ERN1: variants seen among roughly 807,000 people sequenced by gnomAD.
ERN1 encodes the protein endoplasmic reticulum to nucleus signaling 1.
In ERN1, 39 loss-of-function variants were observed where a neutral mutation model predicts 113.1. The ratio of observed to expected loss-of-function variants is 0.34; its 90% CI spans 0.27 to 0.45. The LOEUF (loss-of-function observed/expected upper bound fraction) is 0.45. Ranked by LOEUF, ERN1 falls within the 20% of genes least tolerant of loss-of-function variation. The pLI, the probability that ERN1 is intolerant of heterozygous loss-of-function variation, is 1.00. For missense variants in ERN1, 976 were observed against 1,274.8 expected, an observed-to-expected ratio of 0.77 and a Z score of 3.57; for synonymous variants, 507 against 515.9, an observed-to-expected ratio of 0.98 and a Z score of 0.23.
Position 64,116,373 on chromosome 17 carries a change from C to T in ERN1, c.54+13603G>A, listed in dbSNP as rs367890289. Among the ~76,000 whole-genome samples the T allele has an allele frequency of 1.3e-3, 197 of 152,238 alleles. 4 individuals are homozygous for T. In the South Asian group the frequency reaches 0.038, roughly 30 times the overall value. Reference sequence around the variant, plus strand: ...AACTGTGGCTTGGTTCCCAGTTAGTCGAGCACCAAAACTACAGATAAACTT... The same window carrying T: ...AACTGTGGCTTGGTTCCCAGTTAGTTGAGCACCAAAACTACAGATAAACTT... On this transcript the variant is annotated intron_variant, in intron 1 of 21. Transcript: ENST00000433197.
intron 13 of ERN1, among the ~76,000 whole-genome samples, 197 bp from the exon 14 acceptor site, chr17:64,055,025 C>G (rs1446559008): frequency 1.3e-5 from 2 of 152,224 alleles, no homozygotes; most frequent in Non-Finnish European, 2.9e-5. Context: ...CCCCCTGCCC[C>G]TGCATTCTGT....
intron 2 of ERN1, among the ~76,000 whole-genome samples, chr17:64,096,759 A>G (rs1449566010): frequency 1.3e-5 from 2 of 152,200 alleles, no homozygotes; most frequent in African/African-American, 4.8e-5. Context: ...TAAGTAACGG[A>G]GAGGACACAG....
intron 6 of ERN1, among the ~76,000 whole-genome samples, chr17:64,071,209 G>C (rs1913403660): frequency 1.3e-5 from 2 of 152,202 alleles, no homozygotes. Flanking sequence ...TAGAATGGGA[G>C]AGCCGGGTGT....
Position 64,046,360 on chromosome 17 carries a change from G to A in ERN1, c.2530-878C>T, listed in dbSNP as rs533981339. ...ACCTGAGTGGAAGCCAGGTGTGTTC[G>A]AGAGACATATGACCTGGAGATACTA... On this transcript the variant is annotated intron_variant, in intron 19 of 21. Coordinates refer to ENST00000433197, the MANE Select transcript of ERN1 (RefSeq NM_001433.5). 1.9e-3 allele frequency among the ~76,000 whole-genome samples: 290 copies of A among 152,306 alleles called. 1 individual carries two copies. Among genetic ancestry groups the A allele is most frequent in the African/African-American group, 6.8e-3 (282 of 41,562 alleles).
rs1598056788 is a variant in ERN1, at chr17:64,068,038, G to A, written c.580+152C>T. The A allele has an allele frequency of 2.2e-5, 13 of 600,008 alleles. No individual in the cohort carries two copies. The East Asian group carries it at 3.7e-4, about 17-fold the overall frequency. 37.2% of individuals were successfully genotyped at this position (600,008 alleles called of 1,614,324 possible). On this transcript the variant is annotated intron_variant, in intron 7 of 21. Coordinates refer to ENST00000433197, the MANE Select transcript of ERN1 (RefSeq NM_001433.5). ...GGCCCCTGCACATTGACTGTGGGAAGTATTTATGATAAGCCCATGAAAAGT... is the reference window on the plus strand; with the variant it reads ...GGCCCCTGCACATTGACTGTGGGAAATATTTATGATAAGCCCATGAAAAGT...
Position 64,066,923 on chromosome 17 carries a change from T to C in ERN1, c.590A>G (p.His197Arg). ...PEDDVDYKMS[H>R]FVSNGDGLVV... ...CAGCCCATCACCATTGGACACAAAGTGGGACATCTCTGTACAGATCAAATA... is the reference window on the plus strand; with the variant it reads ...CAGCCCATCACCATTGGACACAAAGCGGGACATCTCTGTACAGATCAAATA... Residue 197 changes from histidine (H) to arginine (R), a missense_variant, in exon 8 of 22, where the codon CAC becomes CGC. Transcript: ENST00000433197. 1 of 1,613,810 alleles carries C rather than the reference T, an allele frequency of 6.2e-7. No individual in the cohort carries two copies. The highest frequency in any genetic ancestry group is 8.5e-7 in the Non-Finnish European group (1 of 1,179,854).
chr17:64,122,953 A>G (rs1389069128), intron 1 of ERN1, among the ~76,000 whole-genome samples: 1 of 152,236 alleles, frequency 6.6e-6, no homozygotes, highest in Non-Finnish European at 1.5e-5. Context: ...TGGAAGAATA[A>G]ATTTGCAGGA....
Position 64,063,375 on chromosome 17 carries a change from C to G in ERN1, c.1087+611G>C, listed in dbSNP as rs1913112677. Among the ~76,000 whole-genome samples the G allele has an allele frequency of 6.6e-6, 1 of 152,212 alleles. No homozygotes were observed. The highest frequency in any genetic ancestry group is 2.4e-5 in the African/African-American group (1 of 41,458). On this transcript the variant is annotated intron_variant, in intron 10 of 21. Transcript: ENST00000433197. The surrounding 1 kb of genome is among the most constrained non-coding windows in gnomAD (Gnocchi z 5.1). ...CTCAAGAAGTGTCATCTCAACTTAT[C>G]TCTCTTGGGACAGGGCCTCTAGTTC... is the stretch of plus-strand genomic sequence containing the variant.
intron 2 of ERN1, chr17:64,097,889 A>C (rs1914272069): frequency 2.0e-6 from 1 of 503,836 alleles, no homozygotes; most frequent in Non-Finnish European, 3.5e-6. Context: ...TCTAAACAGA[A>C]GCAAAAAAGA....
Position 64,053,360 on chromosome 17 carries a change from C to A in ERN1, c.1965G>T (p.Gln655His). ...CAATLQEYVE[Q>H]KDFAHLGLEP... ...CCAGGCCGAGATGCGCAAAGTCCTT[C>A]TGCTCCACATACTGCAAAAGACATG... The change falls in exon 16 of 22, where the codon CAG becomes CAT. Residue 655 changes from glutamine (Q) to histidine (H), a missense_variant. Physicochemically the swap from Gln to His is conservative, Grantham distance 24. Around this residue, in one of 5 missense-constraint regions of ERN1, gnomAD observed 297 missense variants for 457.8 expected, o/e 0.65. Transcript: ENST00000433197. The A allele has an allele frequency of 6.2e-7, 1 of 1,609,068 alleles. No individual in the cohort carries two copies. Among genetic ancestry groups the A allele is most frequent in the Non-Finnish European group, 8.5e-7 (1 of 1,177,588 alleles).
chr17:64,072,151 G>C (rs368218103), intron 5 of ERN1, 48 bp from the exon 6 acceptor site: 85 of 1,601,838 alleles, frequency 5.3e-5, no homozygotes, highest in Non-Finnish European at 6.3e-5. Context: ...ATGGAAAAAA[G>C]TATCGCTGCC....
intron 1 of ERN1, chr17:64,098,569 C>G (rs569620624): frequency 1.6e-5 from 9 of 563,866 alleles, no homozygotes; most frequent in Non-Finnish European, 2.8e-5. Flanking sequence ...TGGGCCTATT[C>G]TATTCTCTAA....
At chr17:64,076,810 C>T (rs985840140) in intron 4 of ERN1, among the ~76,000 whole-genome samples, 3 of 152,122 alleles carry the variant, frequency 2.0e-5, no homozygotes, top group Admixed American at 1.3e-4. Flanking sequence ...CCGTGTTAGC[C>T]AGGATGGTCT....
chr17:64,072,976 T>G (rs147847884), intron 5 of ERN1, among the ~76,000 whole-genome samples: 62 of 151,820 alleles, frequency 4.1e-4, no homozygotes, highest in Non-Finnish European at 8.1e-4. Flanking sequence ...AATATTGAGA[T>G]GCTGGAGAAG....
In ERN1 at chr17:64,044,033, G is replaced by C. The variant is rs200667393; in HGVS notation, c.2889C>G (p.His963Gln). 1.2e-6 allele frequency: 2 copies of C among 1,613,426 alleles called. No individual in the cohort carries two copies. The highest frequency in any genetic ancestry group is 1.7e-6 in the Non-Finnish European group (2 of 1,179,706). The change falls in exon 22 of 22, where the codon CAC becomes CAG. Residue 963 changes from histidine to glutamine, a missense_variant. Transcript: ENST00000433197. This position sits in a 1 kb window ranked among gnomAD's most constrained non-coding sequence, Gnocchi z 4.1. ...CTGGGGGCTGGGGCTCTGGGGGCTC[G>C]TGGAAGTAGTAGGGCTGGAAGAGTC... is the stretch of plus-strand genomic sequence containing the variant. ...HERLFQPYYFHEPPEPQPPVT... is the reference protein window; with the variant it reads ...HERLFQPYYFQEPPEPQPPVT...
chr17:64,043,685 A>T lies in ERN1; in HGVS notation c.*303T>A. The T allele has an allele frequency of 3.4e-6, 1 of 293,674 alleles. No individual in the cohort carries two copies. Among genetic ancestry groups the T allele is most frequent in the Non-Finnish European group, 6.3e-6 (1 of 158,874 alleles). The allele number at this position is 293,674 out of a possible 1,614,324, so 18.2% of individuals were successfully genotyped here. On this transcript the variant is annotated 3_prime_UTR_variant, in exon 22 of 22. Coordinates refer to ENST00000433197, the MANE Select transcript of ERN1 (RefSeq NM_001433.5). ...AGCAGGAATTTAAAAAGTCTGAAGC[A>T]AGTTTATCCAGTAGATGGCTGGGGG...
At chr17:64,126,738 T>A (rs1363935232) in intron 1 of ERN1, among the ~76,000 whole-genome samples, 1 of 152,134 alleles carries the variant, frequency 6.6e-6, no homozygotes, top group African/African-American at 2.4e-5. Flanking sequence ...CCTATTAGGA[T>A]AATTAATGCA....
intron 7 of ERN1, 69 bp downstream of exon 7, chr17:64,068,120 TG>T: frequency 1.9e-6 from 2 of 1,060,148 alleles, no homozygotes; most frequent in Non-Finnish European, 2.8e-6. Flanking sequence ...TCCTACTTTC[TG>T]GAGCCACTGT....
At chr17:64,060,343 G>T (rs181260937) in intron 11 of ERN1, 126 bp downstream of exon 11, 24 of 668,284 alleles carry the variant, frequency 3.6e-5, no homozygotes, top group Admixed American at 1.5e-4. Context: ...TTTTGCTTTG[G>T]ATTCTGGTGC....
Sources: allele counts gnomAD v4.1 joint callset (sites outside exome capture counted in the v4.1 genomes callset), GRCh38; gene constraint gnomAD v4.1.1; regional missense constraint gnomAD v4.1.1; non-coding constraint Gnocchi (gnomAD v3.1); transcripts MANE v1.5; gene names NCBI Gene and HGNC (gene_info 2026-07-23, HGNC 2026-07-21).